CEP128: variants seen among roughly 807,000 people sequenced by gnomAD.
The protein encoded by CEP128 is centrosomal protein 128, also known as centrosomal protein 128kDa.
A neutral mutation model predicts 156.7 loss-of-function variants in CEP128; 132 were observed. That is an observed-to-expected ratio of 0.84 (90% confidence interval 0.73 to 0.97). The LOEUF (loss-of-function observed/expected upper bound fraction) is 0.97, where lower values mean the gene tolerates loss of function less well. CEP128 is among the 50% of genes least tolerant of loss of function. The pLI is 0.00. For missense variants in CEP128, 1,252 were observed against 1,281.9 expected, an observed-to-expected ratio of 0.98 and a Z score of 0.36; for synonymous variants, 469 against 448.9, an observed-to-expected ratio of 1.04 and a Z score of -0.57.
chr14:80,543,088 C>T (rs1473485044), intron 21 of CEP128, among the ~76,000 whole-genome samples: 4 of 152,178 alleles, frequency 2.6e-5, no homozygotes, highest in African/African-American at 7.2e-5. Context: ...ACAGGCAGAT[C>T]AGATCTAAAC....
intron 2 of CEP128, chr14:80,955,303 G>A (rs895925997): frequency 2.6e-6 from 1 of 379,964 alleles, no homozygotes; most frequent in East Asian, 5.5e-5. Flanking sequence ...AAAGGAGGGG[G>A]CATCTAAACT....
chr14:80,650,736 A>G (rs111614357), intron 19 of CEP128, among the ~76,000 whole-genome samples: 3,552 of 152,170 alleles, frequency 0.023, 146 homozygotes, highest in African/African-American at 0.078. Flanking sequence ...ATTTGCATAT[A>G]TTGAATCAGC....
intron 14 of CEP128, among the ~76,000 whole-genome samples, chr14:80,788,288 C>CTTTTTTTTT (rs10628361): frequency 0.011 from 1,052 of 96,866 alleles, no homozygotes; most frequent in African/African-American, 0.012. Context: ...TGGCCAGGAT[C>CTTTTTTTTT]TTTTTTTTTT....
At chr14:80,838,954 T>A (rs991560013) in intron 10 of CEP128, among the ~76,000 whole-genome samples, 1 of 151,950 alleles carries the variant, frequency 6.6e-6, no homozygotes, top group African/African-American at 2.4e-5. Context: ...AAAAAATTAG[T>A]CAGGCATGGT....
chr14:80,488,507 G>A (rs1887221381), downstream of CEP128, among the ~76,000 whole-genome samples: 1 of 151,138 alleles, frequency 6.6e-6, no homozygotes, highest in Non-Finnish European at 1.5e-5. Context: ...AGGATGTGGA[G>A]AAATAGGAAC....
intron 19 of CEP128, among the ~76,000 whole-genome samples, chr14:80,661,170 C>T (rs1197384): frequency 0.15 from 22,220 of 151,956 alleles, 1,813 homozygotes; most frequent in South Asian, 0.32. Context: ...GTAAGCTTTC[C>T]GAAAGGAATA....
At chr14:80,889,972 T>C (rs1040118303) in intron 8 of CEP128, among the ~76,000 whole-genome samples, 3 of 152,088 alleles carry the variant, frequency 2.0e-5, no homozygotes, top group Admixed American at 6.5e-5. Flanking sequence ...GCAAAGGATA[T>C]GAACAGACAC....
intron 23 of CEP128, among the ~76,000 whole-genome samples, chr14:80,509,730 CT>C (rs1888155586): frequency 6.6e-6 from 1 of 152,016 alleles, no homozygotes; most frequent in Non-Finnish European, 1.5e-5. Context: ...TGGAGAGTTT[CT>C]TTTTTCTTAT....
At chr14:80,828,123 C>CTTTTTTTT (rs1008856396) in intron 13 of CEP128, among the ~76,000 whole-genome samples, 5 of 126,970 alleles carry the variant, frequency 3.9e-5, no homozygotes, top group Non-Finnish European at 6.5e-5. Flanking sequence ...CTTCTTTTTT[C>CTTTTTTTT]TTTTTTTTTT....
At chr14:80,597,963 A>AAAAAC (rs1555379721) in intron 19 of CEP128, among the ~76,000 whole-genome samples, 7 of 149,694 alleles carry the variant, frequency 4.7e-5, no homozygotes, top group African/African-American at 1.7e-4. Context: ...AAAAAAAAAA[A>AAAAAC]AAAAAAACAA....
At chr14:80,714,311 TAC>T (rs1322577001) in intron 19 of CEP128, among the ~76,000 whole-genome samples, 5 of 151,024 alleles carry the variant, frequency 3.3e-5, no homozygotes, top group East Asian at 1.9e-4. Context: ...CACACACACA[TAC>T]ACACACACAC....
intron 2 of CEP128, among the ~76,000 whole-genome samples, chr14:80,938,267 G>A (rs1397476492): frequency 3.7e-5 from 2 of 53,766 alleles, no homozygotes; most frequent in Non-Finnish European, 8.9e-5. Flanking sequence ...TTTTTTTTGA[G>A]ACAGAGTCTT....
intron 13 of CEP128, among the ~76,000 whole-genome samples, chr14:80,817,977 T>C (rs777082207): frequency 2.0e-5 from 3 of 151,650 alleles, no homozygotes; most frequent in Non-Finnish European, 4.4e-5. Flanking sequence ...TATGATGCAA[T>C]CTGATGAAGA....
intron 23 of CEP128, among the ~76,000 whole-genome samples, chr14:80,516,239 G>T (rs1051665507): frequency 7.9e-5 from 12 of 152,108 alleles, no homozygotes; most frequent in Non-Finnish European, 1.5e-4. Context: ...TTCTGACCCA[G>T]GATCCATCTA....
At chr14:80,763,468 C>G (rs1308263994) in intron 16 of CEP128, among the ~76,000 whole-genome samples, 1 of 152,092 alleles carries the variant, frequency 6.6e-6, no homozygotes, top group African/African-American at 2.4e-5. Context: ...TAGAAAGCAA[C>G]ATTATTACTA....
chr14:80,791,641 C>T (rs1020454113), intron 14 of CEP128, among the ~76,000 whole-genome samples: 12 of 152,156 alleles, frequency 7.9e-5, no homozygotes, highest in African/African-American at 2.7e-4. Context: ...GGGATCAGAT[C>T]AGTTCAGACA....
chr14:80,832,263 A>T (rs1046300496), intron 12 of CEP128, among the ~76,000 whole-genome samples: 1 of 152,216 alleles, frequency 6.6e-6, no homozygotes, highest in Admixed American at 6.5e-5. Context: ...GTGTGAGAAC[A>T]GAATAATACA....
At chr14:80,771,855 G>A (rs1900526805) in intron 16 of CEP128, among the ~76,000 whole-genome samples, 2 of 152,200 alleles carry the variant, frequency 1.3e-5, no homozygotes, top group African/African-American at 2.4e-5. Context: ...TCAATGGAAA[G>A]AACAGGACTG....
rs551567265 is a variant in CEP128, at chr14:80,843,297, C to T, written c.763-2529G>A. ...ATGAAATAAAAATCACATGTTAATT[C>T]CCACACAGTCCAATGAAATTTCCGG... On this transcript the variant is annotated intron_variant, in intron 9 of 24. Coordinates refer to ENST00000555265, the MANE Select transcript of CEP128 (RefSeq NM_152446.5). 6.8e-4 allele frequency among the ~76,000 whole-genome samples: 104 copies of T among 152,050 alleles called. 5 individuals are homozygous for T. In the South Asian group the frequency reaches 0.012, roughly 18 times the overall value.
Sources: allele counts gnomAD v4.1 joint callset (sites outside exome capture counted in the v4.1 genomes callset), GRCh38; gene constraint gnomAD v4.1.1; transcripts MANE v1.5; gene names NCBI Gene and HGNC (gene_info 2026-07-23, HGNC 2026-07-21).